GPC6: variants seen among roughly 807,000 people sequenced by gnomAD.
GPC6 encodes glypican-6.
GPC6 carries 14 observed loss-of-function variants against 55.2 expected under a neutral mutation model. The ratio of observed to expected loss-of-function variants is 0.25; its 90% CI spans 0.17 to 0.40. The LOEUF (loss-of-function observed/expected upper bound fraction) is 0.40, where lower values mean the gene tolerates loss of function less well. Among genes scored for constraint, GPC6 ranks in the 10% least tolerant of loss-of-function variants. The pLI is 1.00. For missense variants in GPC6, 641 were observed against 708.5 expected, an observed-to-expected ratio of 0.90 and a Z score of 1.08; for synonymous variants, 278 against 259.6, an observed-to-expected ratio of 1.07 and a Z score of -0.68.
intron 4 of GPC6, among the ~76,000 whole-genome samples, chr13:94,082,594 A>C (rs1244422712): frequency 1.3e-5 from 2 of 151,904 alleles, no homozygotes; most frequent in African/African-American, 4.8e-5. Context: ...TTCACCACCC[A>C]CCTTCCGCAG....
At chr13:94,131,795 T>C (rs887670308) in intron 4 of GPC6, among the ~76,000 whole-genome samples, 2 of 152,160 alleles carry the variant, frequency 1.3e-5, no homozygotes, top group Non-Finnish European at 2.9e-5. Flanking sequence ...AAGATATAAC[T>C]TGCCTTCTTC....
chr13:94,268,038 A>G (rs1891871776), intron 4 of GPC6, among the ~76,000 whole-genome samples: 1 of 152,222 alleles, frequency 6.6e-6, no homozygotes, highest in Non-Finnish European at 1.5e-5. Flanking sequence ...TGCAACTTCA[A>G]ACCTAGATCT....
chr13:94,402,121 T>A (rs1030026954), intron 8 of GPC6, among the ~76,000 whole-genome samples: 1 of 152,212 alleles, frequency 6.6e-6, no homozygotes, highest in African/African-American at 2.4e-5. Context: ...CCAGCCTTGC[T>A]CTCAGGAGAA....
At chr13:94,271,894 C>T (rs1382281974) in intron 4 of GPC6, among the ~76,000 whole-genome samples, 1 of 152,196 alleles carries the variant, frequency 6.6e-6, no homozygotes, top group East Asian at 1.9e-4. Flanking sequence ...CTTGCCATTT[C>T]ATGGGGTAAA....
intron 1 of GPC6, among the ~76,000 whole-genome samples, chr13:93,291,059 G>C (rs1397677158): frequency 2.0e-5 from 3 of 152,036 alleles, no homozygotes; most frequent in Non-Finnish European, 2.9e-5. Flanking sequence ...AATTAATTAG[G>C]CATCTCTACT....
chr13:94,181,412 G>A (rs1336669739), intron 4 of GPC6, among the ~76,000 whole-genome samples: 1 of 152,102 alleles, frequency 6.6e-6, no homozygotes, highest in Non-Finnish European at 1.5e-5. Context: ...TGAAATATTG[G>A]GGGCTGGTTC....
At position 93,276,493 on chromosome 13, in the gene GPC6, AGAGTGTGTGT is replaced by A. The variant is rs1366442744; in HGVS notation, c.160+48879_160+48888del. Among the ~76,000 whole-genome samples, 158 of 92,994 alleles carry A rather than the reference AGAGTGTGTGT, an allele frequency of 1.7e-3. 1 individual carries two copies. Among genetic ancestry groups the A allele is most frequent in the African/African-American group, 6.2e-3 (136 of 21,810 alleles). 61.0% of individuals were successfully genotyped at this position (92,994 alleles called of 152,430 possible). ...GAGAGAGAGAGAGAGAGAGAGAGAGAGAGTGTGTGTGTGTGTGTGTGTGTGTGTGTGTGTA... is the reference window on the plus strand; with the variant it reads ...GAGAGAGAGAGAGAGAGAGAGAGAGAGTGTGTGTGTGTGTGTGTGTGTGTA... On this transcript the variant is annotated intron_variant, in intron 1 of 8. Coordinates refer to ENST00000377047, the MANE Select transcript of GPC6 (RefSeq NM_005708.5).
chr13:93,878,163 G>A (rs1326987852), intron 3 of GPC6, among the ~76,000 whole-genome samples: 1 of 151,964 alleles, frequency 6.6e-6, no homozygotes, highest in African/African-American at 2.4e-5. Context: ...GAAAAGAGGA[G>A]CAGTACTATG....
intron 2 of GPC6, among the ~76,000 whole-genome samples, chr13:93,546,271 A>G (rs1049743780): frequency 1.3e-5 from 2 of 152,200 alleles, no homozygotes; most frequent in Admixed American, 6.5e-5. Flanking sequence ...AAGAGCTGCT[A>G]TTAATTTTCT....
chr13:94,328,766 C>T (rs561977326), intron 6 of GPC6, among the ~76,000 whole-genome samples: 88 of 152,358 alleles, frequency 5.8e-4, no homozygotes, highest in Non-Finnish European at 1.1e-3. Flanking sequence ...TCCACGTCCG[C>T]TGGGGAAGTG....
intron 2 of GPC6, among the ~76,000 whole-genome samples, chr13:93,583,057 T>C (rs1442566980): frequency 6.6e-6 from 1 of 152,230 alleles, no homozygotes; most frequent in Non-Finnish European, 1.5e-5. Context: ...ATTTACTTTA[T>C]TGATCAGTGA....
At chr13:93,310,876 A>G (rs939603628) in intron 1 of GPC6, among the ~76,000 whole-genome samples, 1 of 152,218 alleles carries the variant, frequency 6.6e-6, no homozygotes, top group Non-Finnish European at 1.5e-5. Flanking sequence ...TCGCCTAAGC[A>G]TTTACCTTCT....
chr13:94,271,393 C>G (rs1892018675), intron 4 of GPC6, among the ~76,000 whole-genome samples: 1 of 128,814 alleles, frequency 7.8e-6, no homozygotes, highest in African/African-American at 2.5e-5. Context: ...CACACACACA[C>G]ACACACACAC....
At chr13:94,215,585 T>C (rs1890201548) in intron 4 of GPC6, among the ~76,000 whole-genome samples, 1 of 152,142 alleles carries the variant, frequency 6.6e-6, no homozygotes, top group Admixed American at 6.6e-5. Flanking sequence ...TCTAGACATA[T>C]TTAACAACAA....
At chr13:93,612,377 T>C (rs900258710) in intron 2 of GPC6, among the ~76,000 whole-genome samples, 2 of 152,062 alleles carry the variant, frequency 1.3e-5, no homozygotes, top group African/African-American at 4.8e-5. Context: ...CACGTACCTG[T>C]TGTCCCAGCT....
At chr13:93,466,779 T>A (rs2139322153) in intron 1 of GPC6, among the ~76,000 whole-genome samples, 1 of 152,328 alleles carries the variant, frequency 6.6e-6, no homozygotes. Context: ...AAAGCTATGC[T>A]TTTATTCTCA....
chr13:94,276,505 T>G (rs1236990257), intron 4 of GPC6, among the ~76,000 whole-genome samples: 1 of 152,126 alleles, frequency 6.6e-6, no homozygotes, highest in Non-Finnish European at 1.5e-5. Context: ...TCGGGATACA[T>G]GTACAGAACG....
chr13:93,583,094 T>C (rs1227720125), intron 2 of GPC6, among the ~76,000 whole-genome samples: 3 of 152,234 alleles, frequency 2.0e-5, no homozygotes, highest in African/African-American at 7.2e-5. Context: ...CTAAATGAGA[T>C]GGCTGAATCT....
At chr13:93,231,434 T>C (rs201590953) in intron 1 of GPC6, among the ~76,000 whole-genome samples, 1 of 135,000 alleles carries the variant, frequency 7.4e-6, no homozygotes, top group South Asian at 2.3e-4. Context: ...CGTATATATA[T>C]ATATATAGTC....
Sources: allele counts gnomAD v4.1 joint callset (sites outside exome capture counted in the v4.1 genomes callset), GRCh38; gene constraint gnomAD v4.1.1; transcripts MANE v1.5; gene names NCBI Gene and HGNC (gene_info 2026-07-23, HGNC 2026-07-21).